DGKI: variants seen among roughly 807,000 people sequenced by gnomAD.
The protein encoded by DGKI is diacylglycerol kinase iota, also known as DAG kinase iota.
In DGKI, 55 loss-of-function variants were observed where a neutral mutation model predicts 147.5. That is an observed-to-expected ratio of 0.37 (90% CI 0.30 to 0.47). DGKI has a LOEUF of 0.47. DGKI is among the 20% of genes least tolerant of loss of function. The probability of loss-of-function intolerance (pLI) is 1.00; values close to 1 mark genes in which losing one functional copy is unlikely to be tolerated. For synonymous variants in DGKI, 469 were observed against 477.1 expected (o/e 0.98, Z 0.22); for missense variants, 1,007 against 1,323.8 (o/e 0.76, Z 3.71).
chr7:137,669,873 G>A (rs1010631443), intron 3 of DGKI, among the ~76,000 whole-genome samples: 3 of 152,072 alleles, frequency 2.0e-5, no homozygotes, highest in East Asian at 1.9e-4. Context: ...GATCAGAGAC[G>A]AGTATGAGTC....
chr7:137,756,163 A>G (rs1394832161), intron 1 of DGKI, among the ~76,000 whole-genome samples: 2 of 152,180 alleles, frequency 1.3e-5, no homozygotes, highest in Non-Finnish European at 2.9e-5. Context: ...TTTAATAACC[A>G]AGCAGATAGG....
At chr7:137,467,991 G>GAA (rs58319577) in intron 24 of DGKI, among the ~76,000 whole-genome samples, 2 of 84,756 alleles carry the variant, frequency 2.4e-5, no homozygotes, top group African/African-American at 8.1e-5. Context: ...TCTCAAAAAA[G>GAA]AAAAAAAAAA....
chr7:137,517,319 GA>G (rs1213831937), intron 21 of DGKI, among the ~76,000 whole-genome samples: 1 of 100,926 alleles, frequency 9.9e-6, no homozygotes, highest in East Asian at 3.1e-4. Context: ...AAGAAAGAAA[GA>G]AAGAAAGAAA....
chr7:137,491,344 T>C (rs1815756470), intron 21 of DGKI, among the ~76,000 whole-genome samples: 1 of 152,116 alleles, frequency 6.6e-6, no homozygotes, highest in Admixed American at 6.5e-5. Flanking sequence ...CCACCCTGAA[T>C]TCCCCAAAAG....
At chr7:137,576,976 T>A (rs960960952) in intron 17 of DGKI, among the ~76,000 whole-genome samples, 2 of 152,218 alleles carry the variant, frequency 1.3e-5, no homozygotes, top group East Asian at 1.9e-4. Context: ...AAGTGACTTA[T>A]GTGACCTTCT....
At chr7:137,714,377 T>G (rs752757548) in intron 1 of DGKI, among the ~76,000 whole-genome samples, 19 of 152,272 alleles carry the variant, frequency 1.2e-4, no homozygotes, top group Non-Finnish European at 2.5e-4. Context: ...TTACATCTTT[T>G]ATAATGTGAG....
At chr7:137,493,276 G>A (rs562772069) in intron 21 of DGKI, among the ~76,000 whole-genome samples, 5 of 152,198 alleles carry the variant, frequency 3.3e-5, no homozygotes, top group East Asian at 1.9e-4. Flanking sequence ...GTGCCCCATC[G>A]CACCCACTAT....
chr7:137,488,691 T>C (rs1416617469), intron 21 of DGKI, among the ~76,000 whole-genome samples: 2 of 152,196 alleles, frequency 1.3e-5, no homozygotes, highest in African/African-American at 4.8e-5. Flanking sequence ...ATTGAGTGTA[T>C]ATTTAAAGCC....
intron 1 of DGKI, among the ~76,000 whole-genome samples, chr7:137,810,569 C>T (rs560248301): frequency 2.0e-5 from 3 of 152,088 alleles, no homozygotes; most frequent in African/African-American, 4.8e-5. Flanking sequence ...TTGTGTTAGT[C>T]GAGATGAAGT....
intron 27 of DGKI, among the ~76,000 whole-genome samples, chr7:137,455,951 C>T (rs1474094108): frequency 1.3e-5 from 2 of 152,148 alleles, no homozygotes; most frequent in African/African-American, 4.8e-5. Context: ...CTCTTTCACA[C>T]TTTAGATCTG....
chr7:137,508,652 T>C (rs1329049995), intron 21 of DGKI, among the ~76,000 whole-genome samples: 1 of 152,118 alleles, frequency 6.6e-6, no homozygotes, highest in East Asian at 1.9e-4. Flanking sequence ...CCCAGACTCA[T>C]GCCAAATTTT....
At position 137,654,802 on chromosome 7, in the gene DGKI, AG is replaced by A; in HGVS notation, c.682-15del. 6.4e-7 allele frequency: 1 copy of A among 1,557,666 alleles called. No homozygotes were observed. The highest frequency in any genetic ancestry group is 1.1e-5 in the South Asian group (1 of 89,730). On this transcript the variant is annotated splice_polypyrimidine_tract_variant and intron_variant, in intron 4 of 32. Coordinates refer to ENST00000614521, the MANE Select transcript of DGKI (RefSeq NM_001321708.2). ...TCTGAAATTAATCTGTCATTCAAAA[AG>A]AAAAGTATATTATATTAGAGATAAG... is the stretch of plus-strand genomic sequence containing the variant.
At chr7:137,562,718 T>C (rs572129031) in intron 19 of DGKI, among the ~76,000 whole-genome samples, 3 of 152,296 alleles carry the variant, frequency 2.0e-5, no homozygotes, top group South Asian at 4.1e-4. Context: ...TCATGAAATA[T>C]TTAACTTAAT....
At chr7:137,619,453 ACT>A (rs141504074) in intron 8 of DGKI, among the ~76,000 whole-genome samples, 1 of 152,294 alleles carries the variant, frequency 6.6e-6, no homozygotes, top group East Asian at 1.9e-4. Flanking sequence ...TTGCCCTCAC[ACT>A]GACCCTCTGG....
chr7:137,820,913 ACCT>A (rs1797878427), intron 1 of DGKI, among the ~76,000 whole-genome samples: 1 of 151,978 alleles, frequency 6.6e-6, no homozygotes. Context: ...CCCCTCACCA[ACCT>A]CCTCTGAAAA....
At chr7:137,784,523 G>A (rs1004378937) in intron 1 of DGKI, among the ~76,000 whole-genome samples, 2 of 152,014 alleles carry the variant, frequency 1.3e-5, no homozygotes, top group Admixed American at 1.3e-4. Flanking sequence ...TATAATAATA[G>A]TGGGGGACTT....
intron 10 of DGKI, among the ~76,000 whole-genome samples, chr7:137,606,445 A>T (rs1374128601): frequency 6.6e-6 from 1 of 152,190 alleles, no homozygotes; most frequent in African/African-American, 2.4e-5. Context: ...AACAAAAAGT[A>T]TCTATTTTTC....
At chr7:137,449,402 CAATA>C (rs1813862120) in intron 27 of DGKI, among the ~76,000 whole-genome samples, 1 of 152,128 alleles carries the variant, frequency 6.6e-6, no homozygotes, top group Non-Finnish European at 1.5e-5. Context: ...ACAGTCTTTT[CAATA>C]AATAGTGTTG....
At chr7:137,549,416 C>T (rs1262424571) in intron 20 of DGKI, among the ~76,000 whole-genome samples, 1 of 152,048 alleles carries the variant, frequency 6.6e-6, no homozygotes, top group African/African-American at 2.4e-5. Flanking sequence ...CTCGAATATC[C>T]AATTAACATG....
Sources: allele counts gnomAD v4.1 joint callset (sites outside exome capture counted in the v4.1 genomes callset), GRCh38; gene constraint gnomAD v4.1.1; transcripts MANE v1.5; gene names NCBI Gene and HGNC (gene_info 2026-07-23, HGNC 2026-07-21).